The following KREMEN1 variants were observed in gnomAD, a reference collection of about 807,000 sequenced individuals.
The protein encoded by KREMEN1 is kringle containing transmembrane protein 1.
A neutral mutation model predicts 46.5 loss-of-function variants in KREMEN1; 30 were observed. The observed-to-expected ratio is 0.65, with a 90% CI of 0.48 to 0.88. KREMEN1 has a LOEUF of 0.88. KREMEN1 is among the 40% of genes least tolerant of loss of function. The pLI is 0.00. For synonymous variants in KREMEN1, 214 were observed against 230.6 expected (o/e 0.93, Z 0.65); for missense variants, 533 against 596.9 (o/e 0.89, Z 1.11).
intron 2 of KREMEN1, among the ~76,000 whole-genome samples, chr22:29,097,357 T>TAAAGCATGTATTTATTCC (rs1019832834): frequency 6.6e-6 from 1 of 152,250 alleles, no homozygotes; most frequent in African/African-American, 2.4e-5. Context: ...GAAAAGACCT[T>TAAAGCATGTATTTATTCC]AAAGCATGTA....
At chr22:29,119,982 GACA>G (rs2038305173) in intron 3 of KREMEN1, among the ~76,000 whole-genome samples, 1 of 150,776 alleles carries the variant, frequency 6.6e-6, no homozygotes, top group African/African-American at 2.5e-5. Flanking sequence ...AGACAGATGT[GACA>G]ATGGAAACAG....
chr22:29,147,096 A>C (rs2038876220), downstream of KREMEN1, among the ~76,000 whole-genome samples: 1 of 152,232 alleles, frequency 6.6e-6, no homozygotes, highest in Non-Finnish European at 1.5e-5. Context: ...AAGGCTCTGC[A>C]GCAGAGAGAT....
At chr22:29,141,311 G>GTA (rs2038759613) in intron 8 of KREMEN1, among the ~76,000 whole-genome samples, 2 of 151,340 alleles carry the variant, frequency 1.3e-5, no homozygotes, top group Non-Finnish European at 2.9e-5. Flanking sequence ...GTGTGTGTGT[G>GTA]TATGTGTGTT....
chr22:29,118,246 TAG>T (rs2038275228), intron 3 of KREMEN1, among the ~76,000 whole-genome samples: 1 of 152,170 alleles, frequency 6.6e-6, no homozygotes, highest in Non-Finnish European at 1.5e-5. Context: ...GAGAAAACAA[TAG>T]AGAGTCTGCA....
chr22:29,118,503 G>A (rs73882468), intron 3 of KREMEN1, among the ~76,000 whole-genome samples: 1,945 of 152,278 alleles, frequency 0.013, 46 homozygotes, highest in African/African-American at 0.044. Context: ...CAAGGGGCTA[G>A]GAAGTCCAGG....
At position 29,140,699 on chromosome 22, in the gene KREMEN1, G is replaced by A. The variant is rs765481905; in HGVS notation, c.1208+333G>A. On this transcript the variant is annotated intron_variant, in intron 8 of 8. Transcript: ENST00000400335. ...GACTGAAGATAGCTAGGACGATGCC[G>A]TGCATACTTCCTGATGCCTTCTAGA... 2.0e-5 allele frequency among the ~76,000 whole-genome samples: 3 copies of A among 152,320 alleles called. No individual in the cohort carries two copies. In the South Asian group the frequency reaches 6.2e-4, roughly 32 times the overall value.
chr22:29,135,933 T>C (rs1319360726), intron 5 of KREMEN1, among the ~76,000 whole-genome samples: 1 of 152,094 alleles, frequency 6.6e-6, no homozygotes, highest in Non-Finnish European at 1.5e-5. Context: ...CTTGTTGTTG[T>C]TGTTTTGAGA....
intron 1 of KREMEN1, among the ~76,000 whole-genome samples, chr22:29,074,536 G>A (rs2037535745): frequency 6.6e-6 from 1 of 152,200 alleles, no homozygotes; most frequent in Non-Finnish European, 1.5e-5. Context: ...GAGAAGGCAA[G>A]AGGGCGTTGC....
intron 1 of KREMEN1, among the ~76,000 whole-genome samples, chr22:29,086,474 A>G (rs1336258496): frequency 6.6e-6 from 1 of 152,194 alleles, no homozygotes; most frequent in Non-Finnish European, 1.5e-5. Flanking sequence ...TTGGAGAGCC[A>G]TTTTTGAAGA....
At chr22:29,121,098 G>GTT (rs11396782) in intron 3 of KREMEN1, among the ~76,000 whole-genome samples, 215 of 146,512 alleles carry the variant, frequency 1.5e-3, no homozygotes, top group Admixed American at 1.9e-3. Context: ...ATATTAAACA[G>GTT]TTTTTTTTTT....
chr22:29,149,835 GCA>G (rs983451613), downstream of KREMEN1, among the ~76,000 whole-genome samples: 1 of 152,166 alleles, frequency 6.6e-6, no homozygotes, highest in African/African-American at 2.4e-5. Flanking sequence ...CCGGGAGCCA[GCA>G]CCAGGGCAGC....
intron 3 of KREMEN1, among the ~76,000 whole-genome samples, chr22:29,117,327 G>A (rs2038256528): frequency 6.6e-6 from 1 of 152,194 alleles, no homozygotes; most frequent in Non-Finnish European, 1.5e-5. Flanking sequence ...CAGCACTTTG[G>A]GAGGCCAAGG....
chr22:29,119,998 G>C lies in KREMEN1; in HGVS notation c.353-1359G>C, dbSNP rs911887332. The stretch of plus-strand genomic sequence containing the variant: ...GACAGATGTGACAATGGAAACAGAG[G>C]GAGGAAGAAGAGGTGATGAAGGAAA... On this transcript the variant is annotated intron_variant, in intron 3 of 8. Coordinates refer to ENST00000400335, the MANE Select transcript of KREMEN1 (RefSeq NM_001039570.3). Among the ~76,000 whole-genome samples, 34 of 147,216 alleles carry C rather than the reference G, an allele frequency of 2.3e-4. 2 individuals carry two copies. The South Asian group carries it at 7.1e-3, about 31-fold the overall frequency.
At chr22:29,113,714 C>T (rs1423431553) in intron 3 of KREMEN1, among the ~76,000 whole-genome samples, 1 of 152,178 alleles carries the variant, frequency 6.6e-6, no homozygotes, top group Non-Finnish European at 1.5e-5. Flanking sequence ...CTCCTGGACA[C>T]ATGGTGGTGG....
intron 7 of KREMEN1, among the ~76,000 whole-genome samples, 156 bp from the exon 8 acceptor site, chr22:29,140,126 G>A (rs2038737349): frequency 6.6e-6 from 1 of 152,174 alleles, no homozygotes; most frequent in South Asian, 2.1e-4. Flanking sequence ...CTTAGCCTGG[G>A]TCAGCTGCTC....
At chr22:29,152,650 C>A (rs2038924281) in intron 9 of KREMEN1, among the ~76,000 whole-genome samples, 1 of 151,544 alleles carries the variant, frequency 6.6e-6, no homozygotes, top group Admixed American at 6.6e-5. Context: ...CTCCCCCCAA[C>A]CCCTCCTGCT....
rs1201289638 is a variant in KREMEN1 at position 29,142,314 on chromosome 22, G to T, written c.*202G>T. 6.1e-6 allele frequency: 8 copies of T among 1,304,878 alleles called. No individual in the cohort carries two copies. The highest frequency in any genetic ancestry group is 2.9e-4 in the Middle Eastern group (1 of 3,488). 80.8% of individuals were successfully genotyped at this position (1,304,878 alleles called of 1,614,324 possible). ...GAGCCTGGATTCCTCCTGCTTCATC[G>T]ATTGCACTTAGGAGAGAGACTCAAA... On this transcript the variant is annotated 3_prime_UTR_variant, in exon 9 of 9. Coordinates refer to ENST00000400335, the MANE Select transcript of KREMEN1 (RefSeq NM_001039570.3).
Position 29,137,652 on chromosome 22 carries a change from G to C in KREMEN1, c.942G>C (p.Gln314His), listed in dbSNP as rs553505354. 1.3e-6 allele frequency: 2 copies of C among 1,595,956 alleles called. No homozygotes were observed. Among genetic ancestry groups the C allele is most frequent in the Admixed American group, 3.3e-5 (2 of 59,730 alleles). The change falls in exon 6 of 9, where the codon CAG becomes CAC. Residue 314 changes from glutamine to histidine, a missense_variant. Transcript: ENST00000400335. ...TCTCTGATCGCATCAATCAGGCCCA[G>C]GGATTTGCTGTTTTATACCAAGGTA... The part of the protein sequence containing the change: ...YFFSDRINQA[Q>H]GFAVLYQAVK...
intron 3 of KREMEN1, among the ~76,000 whole-genome samples, chr22:29,119,750 C>T (rs1030908429): frequency 2.0e-5 from 3 of 152,188 alleles, no homozygotes; most frequent in African/African-American, 7.2e-5. Context: ...TAGACCAAAC[C>T]ATCTGATGTG....
Sources: allele counts gnomAD v4.1 joint callset (sites outside exome capture counted in the v4.1 genomes callset), GRCh38; gene constraint gnomAD v4.1.1; transcripts MANE v1.5; gene names NCBI Gene and HGNC (gene_info 2026-07-23, HGNC 2026-07-21).